The following FAT3 variants were observed in gnomAD, a reference collection of about 807,000 sequenced individuals.
The protein encoded by FAT3 is protocadherin Fat 3.
Under a neutral mutation model 310.2 loss-of-function variants are expected in FAT3, and 95 were observed. The observed-to-expected ratio is 0.31, with a 90% CI of 0.26 to 0.36. FAT3 has a LOEUF of 0.36. FAT3 is among the 10% of genes least tolerant of loss of function. The pLI is 1.00. For synonymous variants in FAT3, 2,314 were observed against 2,192.9 expected, an observed-to-expected ratio of 1.06 and a Z score of -1.54; for missense variants, 5,408 against 5,715.6, an observed-to-expected ratio of 0.95 and a Z score of 1.74.
chr11:92,709,525 C>T (rs910809214), intron 4 of FAT3, among the ~76,000 whole-genome samples: 5 of 152,160 alleles, frequency 3.3e-5, no homozygotes, highest in Admixed American at 1.3e-4. Flanking sequence ...GTGAAGGTCA[C>T]CCGTAGGAGG....
At chr11:92,649,391 T>C (rs1211857050) in intron 3 of FAT3, among the ~76,000 whole-genome samples, 1 of 152,198 alleles carries the variant, frequency 6.6e-6, no homozygotes, top group Non-Finnish European at 1.5e-5. Context: ...AGCTATCCCT[T>C]GTAATTCTGG....
rs547856896 is a variant in FAT3 at position 92,614,902 on chromosome 11, C to T, written c.3608-82482C>T. Among the ~76,000 whole-genome samples the T allele has an allele frequency of 2.0e-5, 3 of 152,216 alleles. No individual in the cohort carries two copies. The East Asian group carries it at 5.8e-4, about 29-fold the overall frequency. On this transcript the variant is annotated intron_variant, in intron 3 of 27. Coordinates refer to ENST00000525166, the MANE Select transcript of FAT3 (RefSeq NM_001367949.2). ...ATTTTGTATAATATGAGTAGAGATCCAACTTCATTCATTTTTTTATGGCTA... is the reference window on the plus strand; with the variant it reads ...ATTTTGTATAATATGAGTAGAGATCTAACTTCATTCATTTTTTTATGGCTA...
chr11:92,598,554 T>G (rs1230775798), intron 3 of FAT3, among the ~76,000 whole-genome samples: 2 of 152,146 alleles, frequency 1.3e-5, no homozygotes, highest in Non-Finnish European at 1.5e-5. Flanking sequence ...CACAGAATTT[T>G]ATGAGTGAGA....
chr11:92,238,492 T>A (rs1019911550), intron 1 of FAT3, among the ~76,000 whole-genome samples: 6 of 152,070 alleles, frequency 3.9e-5, no homozygotes, highest in Non-Finnish European at 7.4e-5. Flanking sequence ...AAGCAGGTTT[T>A]GTTTGTTTGT....
chr11:92,524,523 G>A, intron 2 of FAT3, 111 bp from the exon 3 acceptor site: 1 of 905,620 alleles, frequency 1.1e-6, no homozygotes, highest in Non-Finnish European at 1.6e-6. Context: ...TTATGGATTT[G>A]GGTGTTTTTC....
intron 3 of FAT3, among the ~76,000 whole-genome samples, chr11:92,575,862 A>G (rs1169048231): frequency 6.6e-6 from 1 of 152,100 alleles, no homozygotes; most frequent in East Asian, 1.9e-4. Context: ...TTTTGAGACT[A>G]GGAATAGAAA....
At chr11:92,277,404 G>A (rs1234361107) in intron 1 of FAT3, among the ~76,000 whole-genome samples, 1 of 152,060 alleles carries the variant, frequency 6.6e-6, no homozygotes, top group Non-Finnish European at 1.5e-5. Flanking sequence ...AAAGAAACAA[G>A]CACTCAGATG....
intron 3 of FAT3, among the ~76,000 whole-genome samples, chr11:92,532,739 T>C (rs576162181): frequency 8.5e-5 from 13 of 152,182 alleles, no homozygotes; most frequent in African/African-American, 3.1e-4. Flanking sequence ...AGTTTCAGGG[T>C]TTCTTCCCTT....
intron 13 of FAT3, among the ~76,000 whole-genome samples, chr11:92,812,877 C>T (rs1947717463): frequency 6.6e-6 from 1 of 152,118 alleles, no homozygotes; most frequent in Admixed American, 6.5e-5. Flanking sequence ...TTGTAGTTTC[C>T]ATAATCCCCA....
chr11:92,615,480 C>G (rs1407638968), intron 3 of FAT3, among the ~76,000 whole-genome samples: 1 of 152,152 alleles, frequency 6.6e-6, no homozygotes, highest in Non-Finnish European at 1.5e-5. Context: ...CACCTGACCT[C>G]AGGTGATCCA....
At chr11:92,651,387 A>G (rs990475212) in intron 3 of FAT3, among the ~76,000 whole-genome samples, 2 of 152,178 alleles carry the variant, frequency 1.3e-5, no homozygotes, top group African/African-American at 4.8e-5. Context: ...GGCTTGGTCA[A>G]TGCACTCAGC....
At chr11:92,737,575 TAAAG>T (rs1945390581) in intron 4 of FAT3, among the ~76,000 whole-genome samples, 2 of 152,072 alleles carry the variant, frequency 1.3e-5, no homozygotes, top group Admixed American at 6.6e-5. Context: ...TGTTTATTCA[TAAAG>T]AAACACACAA....
chr11:92,567,301 G>T (rs1482497558), intron 3 of FAT3, among the ~76,000 whole-genome samples: 12 of 144,378 alleles, frequency 8.3e-5, no homozygotes, highest in Non-Finnish European at 1.7e-4. Flanking sequence ...ACCATCACTG[G>T]CCATCAGAGA....
At chr11:92,407,237 G>C (rs867831920) in intron 2 of FAT3, among the ~76,000 whole-genome samples, 1 of 152,212 alleles carries the variant, frequency 6.6e-6, no homozygotes, top group Middle Eastern at 3.4e-3. Context: ...GAACAGTTAC[G>C]GGATATTTTC....
intron 3 of FAT3, among the ~76,000 whole-genome samples, chr11:92,608,266 G>A (rs1160727687): frequency 8.5e-5 from 13 of 152,116 alleles, no homozygotes; most frequent in Non-Finnish European, 1.5e-5. Flanking sequence ...CTAGTGAGTT[G>A]TTTGAGGCAA....
At chr11:92,229,408 T>TA (rs1864053244) in intron 1 of FAT3, among the ~76,000 whole-genome samples, 1 of 151,924 alleles carries the variant, frequency 6.6e-6, no homozygotes, top group Admixed American at 6.6e-5. Context: ...TTCTCAAACT[T>TA]ACTGAGTTTT....
intron 3 of FAT3, among the ~76,000 whole-genome samples, chr11:92,561,479 T>C (rs1003206569): frequency 1.3e-5 from 2 of 152,166 alleles, no homozygotes; most frequent in Non-Finnish European, 2.9e-5. Context: ...TCTTTACATA[T>C]AGGACTTTGT....
chr11:92,713,276 T>A (rs1379183795), intron 4 of FAT3, among the ~76,000 whole-genome samples: 1 of 152,250 alleles, frequency 6.6e-6, no homozygotes, highest in East Asian at 1.9e-4. Flanking sequence ...TCACTGCTTT[T>A]CTGTTCTCTC....
intron 1 of FAT3, among the ~76,000 whole-genome samples, chr11:92,264,385 A>T (rs537039394): frequency 4.6e-5 from 7 of 152,242 alleles, no homozygotes; most frequent in Admixed American, 2.0e-4. Context: ...CAAAATAGTT[A>T]TCTATAATGT....
Sources: gnomAD v4.1 joint callset for allele counts (sites outside exome capture counted in the v4.1 genomes callset) on GRCh38, gnomAD v4.1.1 for gene constraint, MANE v1.5 for transcripts, NCBI Gene and HGNC (gene_info 2026-07-23, HGNC 2026-07-21) for gene names.